Variants in WNK3 observed in about 807,000 individuals in gnomAD.
The protein encoded by WNK3 is serine/threonine-protein kinase WNK3.
A neutral mutation model predicts 116.7 loss-of-function variants in WNK3; 18 were observed. The ratio of observed to expected loss-of-function variants is 0.15; its 90% CI spans 0.11 to 0.23. The LOEUF (loss-of-function observed/expected upper bound fraction) is 0.23, where lower values mean the gene tolerates loss of function less well. Ranked by LOEUF, WNK3 falls within the 10% of genes least tolerant of loss-of-function variation. WNK3 has a pLI of 1.00. For missense variants in WNK3, 993 were observed against 1,323.8 expected, an observed-to-expected ratio of 0.75 and a Z score of 3.88; for synonymous variants, 404 against 469.4, an observed-to-expected ratio of 0.86 and a Z score of 1.80.
intron 2 of WNK3, among the ~76,000 whole-genome samples, chrX:54,322,491 C>T (rs1363830105): frequency 3.6e-5 from 4 of 111,017 alleles, no homozygotes; most frequent in East Asian, 2.8e-4. Context: ...CCTTGAGTTT[C>T]GGTAGTTCAA....
chrX:54,318,455 G>A (rs2068988853), intron 2 of WNK3, among the ~76,000 whole-genome samples: 1 of 110,903 alleles, frequency 9.0e-6, no homozygotes, highest in African/African-American at 3.3e-5. Context: ...GAAGTCAGCA[G>A]GCACAGTGGT....
chrX:54,254,223 T>C, intron 12 of WNK3, 148 bp from the exon 13 acceptor site: 1 of 398,198 alleles, frequency 2.5e-6, no homozygotes, highest in South Asian at 6.8e-5. Context: ...GAATACCATC[T>C]AAACAGCCAT....
chrX:54,216,147 G>A (rs193154230), intron 22 of WNK3, among the ~76,000 whole-genome samples: 17 of 108,763 alleles, frequency 1.6e-4, no homozygotes, highest in African/African-American at 5.8e-4. Context: ...ACTGCGGAAG[G>A]TGGAAGGCGG....
chrX:54,221,116 A>G (rs1045199088), intron 22 of WNK3, among the ~76,000 whole-genome samples: 1 of 112,072 alleles, frequency 8.9e-6, no homozygotes, highest in South Asian at 3.7e-4. Flanking sequence ...AACAAATTCC[A>G]TAAATGGAAA....
intron 2 of WNK3, among the ~76,000 whole-genome samples, chrX:54,330,743 G>C: frequency 8.9e-6 from 1 of 112,209 alleles, no homozygotes; most frequent in East Asian, 2.8e-4. Context: ...CCAGGAGTTT[G>C]AGACCAACCA....
chrX:54,358,286 C>A (rs1229354179), upstream of WNK3, among the ~76,000 whole-genome samples: 5 of 111,009 alleles, frequency 4.5e-5, no homozygotes, highest in African/African-American at 1.3e-4. Context: ...AGAGGAAGCA[C>A]GCGCGACATC....
exon 21 of WNK3, chrX:54,232,969 C>T: frequency 8.3e-7 from 1 of 1,211,144 alleles, no homozygotes; most frequent in South Asian, 1.8e-5. Context: ...CATAGAGCTC[C>T]TGCAGCTCCT....
At position 54,294,579 on chromosome X, in the gene WNK3, G is replaced by C. The variant is rs781945634; in HGVS notation, c.1667C>G (p.Pro556Arg). The change falls in exon 8 of 24, where the codon CCA becomes CGA. Residue 556 changes from proline to arginine, a missense_variant. Pro to Arg is a moderately radical substitution (Grantham distance 103). Coordinates refer to ENST00000354646, the Ensembl canonical transcript of WNK3. ...TGTAACAGAGGAGCAGTGCTGCTGT[G>C]GTTTTCTTTGTAGAAGCTGTTGTCT... 9.2e-6 allele frequency: 11 copies of C among 1,192,259 alleles called. No homozygotes were observed. The highest frequency in any genetic ancestry group is 1.2e-5 in the Non-Finnish European group (11 of 883,268).
intron 5 of WNK3, 97 bp downstream of exon 5, chrX:54,307,825 G>C: frequency 1.3e-6 from 1 of 786,800 alleles, no homozygotes; most frequent in Non-Finnish European, 1.8e-6. Context: ...CTGTTACCTA[G>C]AGCTAAACCA....
intron 22 of WNK3, among the ~76,000 whole-genome samples, chrX:54,226,268 G>A (rs1243219694): frequency 5.5e-5 from 6 of 108,674 alleles, no homozygotes; most frequent in East Asian, 2.9e-4. Flanking sequence ...TCAGGAGTTC[G>A]AGATCAGCCT....
At chrX:54,348,794 C>T (rs963688620) in intron 1 of WNK3, among the ~76,000 whole-genome samples, 4 of 111,622 alleles carry the variant, frequency 3.6e-5, no homozygotes, top group Non-Finnish European at 5.6e-5. Flanking sequence ...TCGTTAAAGT[C>T]AGGAATAAGC....
chrX:54,324,355 G>T (rs1299904710), intron 2 of WNK3, among the ~76,000 whole-genome samples: 1 of 111,782 alleles, frequency 8.9e-6, no homozygotes, highest in African/African-American at 3.2e-5. Context: ...GACATCTTTG[G>T]GGGGCTATTT....
intron 2 of WNK3, among the ~76,000 whole-genome samples, chrX:54,323,606 TAA>T (rs1395009337): frequency 8.9e-6 from 1 of 111,746 alleles, no homozygotes; most frequent in Non-Finnish European, 1.9e-5. Context: ...TATATCAAAA[TAA>T]AAAGTTTTTA....
rs782007196 is a variant in WNK3, at chrX:54,211,807, C to CA, written c.4871-9615dup. Reference sequence around the variant, plus strand: ...TGGGTGACAGGACGAGACTCTGCCTCAAAAAAAAAGAGACAATGAGAAAAA... The same window carrying CA: ...TGGGTGACAGGACGAGACTCTGCCTCAAAAAAAAAAGAGACAATGAGAAAAA... On this transcript the variant is annotated intron_variant, in intron 22 of 23. Coordinates refer to ENST00000354646, the Ensembl canonical transcript of WNK3. Among the ~76,000 whole-genome samples, 89 of 104,605 alleles carry CA rather than the reference C, an allele frequency of 8.5e-4. No homozygotes were observed. In the East Asian group the frequency reaches 0.02, roughly 23 times the overall value. The allele number at this position is 104,605 out of a possible 115,157, so 90.8% of individuals were successfully genotyped here.
At chrX:54,297,475 G>A (rs2068710818) in intron 7 of WNK3, among the ~76,000 whole-genome samples, 2 of 109,116 alleles carry the variant, frequency 1.8e-5, no homozygotes, top group East Asian at 5.8e-4. Context: ...AACTCGGGAG[G>A]CTGAGACAGG....
At chrX:54,305,292 A>G (rs1465645884) in intron 5 of WNK3, among the ~76,000 whole-genome samples, 1 of 112,166 alleles carries the variant, frequency 8.9e-6, no homozygotes, top group Non-Finnish European at 1.9e-5. Flanking sequence ...CATGGTAGAA[A>G]TAACCATACA....
intron 10 of WNK3, among the ~76,000 whole-genome samples, chrX:54,270,265 C>T (rs2068365372): frequency 9.1e-6 from 1 of 109,642 alleles, no homozygotes; most frequent in African/African-American, 3.3e-5. Flanking sequence ...ACCACCACGC[C>T]CAGCTAATTT....
At chrX:54,358,870 C>T (rs1250448314), upstream of WNK3, among the ~76,000 whole-genome samples, 2 of 112,739 alleles carry the variant, frequency 1.8e-5, no homozygotes, top group African/African-American at 6.4e-5. Context: ...GGGGGATTTC[C>T]GACGCCATTT....
intron 20 of WNK3, among the ~76,000 whole-genome samples, chrX:54,235,969 A>G (rs2067956486): frequency 8.9e-6 from 1 of 112,173 alleles, no homozygotes; most frequent in African/African-American, 3.2e-5. Flanking sequence ...TACAAGAAAC[A>G]GGTAATATTT....
Sources: gnomAD v4.1 joint callset for allele counts (sites outside exome capture counted in the v4.1 genomes callset) on GRCh38, gnomAD v4.1.1 for gene constraint, MANE v1.5 for transcripts, NCBI Gene and HGNC (gene_info 2026-07-23, HGNC 2026-07-21) for gene names.